BRPF1: variants seen among roughly 807,000 people sequenced by gnomAD.
BRPF1 encodes the protein peregrin.
BRPF1 carries 15 observed loss-of-function variants against 115.0 expected under a neutral mutation model. The observed-to-expected ratio is 0.13, with a 90% CI of 0.09 to 0.20. The LOEUF (loss-of-function observed/expected upper bound fraction) is 0.20. Among genes scored for constraint, BRPF1 ranks in the 10% least tolerant of loss-of-function variants. BRPF1 has a pLI of 1.00. For missense variants in BRPF1, 1,118 were observed against 1,638.3 expected, an observed-to-expected ratio of 0.68 and a Z score of 5.48; for synonymous variants, 647 against 619.8, an observed-to-expected ratio of 1.04 and a Z score of -0.65.
In BRPF1 at chr3:9,734,857, T is replaced by C. The variant is rs2076913825; in HGVS notation, c.599+118T>C. On this transcript the variant is annotated intron_variant, in intron 2 of 13. Transcript: ENST00000383829. The surrounding 1 kb of genome is among the most constrained non-coding windows in gnomAD (Gnocchi z 5.7). ...GGAATAAAGAATAGTGAAAGAACAC[T>C]GATTTTGCCAGGGCAGTGAGTGGAA... The C allele has an allele frequency of 7.4e-7, 1 of 1,342,706 alleles. No homozygotes were observed. Among genetic ancestry groups the C allele is most frequent in the Non-Finnish European group, 1.0e-6 (1 of 980,340 alleles). The allele number at this position is 1,342,706 out of a possible 1,614,324, so 83.2% of individuals were successfully genotyped here.
At chr3:9,732,924 A>T (rs2076879007) in intron 1 of BRPF1, among the ~76,000 whole-genome samples, 1 of 152,192 alleles carries the variant, frequency 6.6e-6, no homozygotes, top group African/African-American at 2.4e-5. Flanking sequence ...TCTCTGACCA[A>T]GCTGGGCTTC....
chr3:9,733,531 T>C (rs1024678094), intron 1 of BRPF1, among the ~76,000 whole-genome samples: 1 of 152,222 alleles, frequency 6.6e-6, no homozygotes, highest in Non-Finnish European at 1.5e-5. Context: ...AATGGAATGC[T>C]GTGGAAACAG....
Position 9,745,261 on chromosome 3 carries a change from A to C in BRPF1, c.3068+106A>C. 1 of 1,359,768 alleles carries C rather than the reference A, an allele frequency of 7.4e-7. No homozygotes were observed. Among genetic ancestry groups the C allele is most frequent in the South Asian group, 1.4e-5 (1 of 69,656 alleles). The allele number at this position is 1,359,768 out of a possible 1,614,324, so 84.2% of individuals were successfully genotyped here. ...AGTGGGGTGGCAGCCATCTCAGTCT[A>C]GATTAAGATGGCTCAAACTCAAGGT... On this transcript the variant is annotated intron_variant, in intron 10 of 13. Coordinates refer to ENST00000383829, the MANE Select transcript of BRPF1 (RefSeq NM_001003694.2). The surrounding 1 kb of genome is among the most constrained non-coding windows in gnomAD (Gnocchi z 5.1).
Position 9,740,759 on chromosome 3 carries a change from C to CTT in BRPF1, c.1560-18_1560-17dup. 1 of 1,612,160 alleles carries CTT rather than the reference C, an allele frequency of 6.2e-7. No individual in the cohort carries two copies. The highest frequency in any genetic ancestry group is 8.5e-7 in the Non-Finnish European group (1 of 1,178,294). On this transcript the variant is annotated intron_variant, in intron 3 of 13. Transcript: ENST00000383829. The stretch of plus-strand genomic sequence containing the variant: ...GAATCAGGGCCCAACAAGTTTTACT[C>CTT]TTTGTTTCCTGCCTCCCAGGCTTAG...
In BRPF1 at chr3:9,745,614, C is replaced by T; in HGVS notation, c.3110C>T (p.Ser1037Phe). Residue 1037 changes from serine to phenylalanine, a missense_variant, in exon 11 of 14, where the codon TCT (serine) becomes TTT (phenylalanine). Physicochemically the swap from Ser to Phe is radical, Grantham distance 155. Coordinates refer to ENST00000383829, the MANE Select transcript of BRPF1 (RefSeq NM_001003694.2). This position sits in a 1 kb window ranked among gnomAD's most constrained non-coding sequence, Gnocchi z 5.1. ...SKQGRGKPSF[S>F]RGTFPEDSSE... The stretch of plus-strand genomic sequence containing the variant: ...CAAGGCCGGGGCAAACCCTCCTTCT[C>T]TCGGGGCACTTTCCCAGAGGACAGC... The T allele has an allele frequency of 6.2e-7, 1 of 1,614,160 alleles. No homozygotes were observed. The highest frequency in any genetic ancestry group is 8.5e-7 in the Non-Finnish European group (1 of 1,179,976).
chr3:9,742,275 G>C (rs1035484705), intron 6 of BRPF1, 104 bp downstream of exon 6: 2 of 1,538,852 alleles, frequency 1.3e-6, no homozygotes, highest in African/African-American at 2.8e-5. Context: ...GAAGAGAGGG[G>C]CTGGTGGCTC....
chr3:9,736,173 A>T (rs959539674), intron 2 of BRPF1, among the ~76,000 whole-genome samples: 1 of 151,340 alleles, frequency 6.6e-6, no homozygotes, highest in East Asian at 1.9e-4. Context: ...ACACCCAGCT[A>T]ATTTTTGAGT....
chr3:9,746,925 T>A (rs992124475), intron 13 of BRPF1, among the ~76,000 whole-genome samples: 1 of 152,036 alleles, frequency 6.6e-6, no homozygotes, highest in Non-Finnish European at 1.5e-5. Context: ...TCTGGTGAGG[T>A]CAGGGTGCCT....
At position 9,747,358 on chromosome 3, in the gene BRPF1, A is replaced by G; in HGVS notation, c.*9A>G. ...CCAGCGATAGTGATTGATACTGCTC[A>G]ACACAGCCCAACCTATAGTGCCCTG... On this transcript the variant is annotated 3_prime_UTR_variant, in exon 14 of 14. Transcript: ENST00000383829. This position sits in a 1 kb window ranked among gnomAD's most constrained non-coding sequence, Gnocchi z 5.6. 1 of 1,611,698 alleles carries G rather than the reference A, an allele frequency of 6.2e-7. No individual in the cohort carries two copies. The highest frequency in any genetic ancestry group is 1.1e-5 in the South Asian group (1 of 91,034).
chr3:9,733,969 T>C (rs1279524984), intron 1 of BRPF1, among the ~76,000 whole-genome samples, 162 bp from the exon 2 acceptor site: 3 of 152,074 alleles, frequency 2.0e-5, no homozygotes, highest in Non-Finnish European at 4.4e-5. Context: ...GGCCCAGATA[T>C]GGGCTATGGT....
chr3:9,744,095 A>G (rs745902905), intron 8 of BRPF1, 129 bp from the exon 9 acceptor site: 1 of 1,329,840 alleles, frequency 7.5e-7, no homozygotes, highest in Non-Finnish European at 1.0e-6. Context: ...CCAAATTCCA[A>G]GCCCCTAAAA....
rs761503503 is a variant in BRPF1 at position 9,734,404 on chromosome 3, G to A, written c.264G>A (p.Glu88=). 12 of 1,614,018 alleles carry A rather than the reference G, an allele frequency of 7.4e-6. No individual in the cohort carries two copies. The highest frequency in any genetic ancestry group is 3.4e-6 in the Non-Finnish European group (4 of 1,180,036). The change falls in exon 2 of 14, where the codon GAG becomes GAA. Residue 88 remains glutamate (E), a synonymous_variant. Coordinates refer to ENST00000383829, the MANE Select transcript of BRPF1 (RefSeq NM_001003694.2). The surrounding 1 kb of genome is among the most constrained non-coding windows in gnomAD (Gnocchi z 5.7). ...AGGTCTCACAGTCACCAGGCCGTGA[G>A]GTGATGAGCTATGCACAGGCCCAGC... is the stretch of plus-strand genomic sequence containing the variant. ...PSEVSQSPGR[E]VMSYAQAQRM... is the part of the protein sequence containing the mutation.
At chr3:9,738,406 T>C (rs896546806) in intron 2 of BRPF1, among the ~76,000 whole-genome samples, 1 of 152,214 alleles carries the variant, frequency 6.6e-6, no homozygotes, top group South Asian at 2.1e-4. Flanking sequence ...TTAGCTATTA[T>C]AATTGTTATC....
Position 9,742,442 on chromosome 3 carries a change from G to A in BRPF1, c.2001+271G>A, listed in dbSNP as rs907339893. On this transcript the variant is annotated intron_variant, in intron 6 of 13. Coordinates refer to ENST00000383829, the MANE Select transcript of BRPF1 (RefSeq NM_001003694.2). ...AATCCCAGGGCAGGAAGACACTTTC[G>A]GGGTGCTGAACCCTAGAACGGAGAC... 30 of 985,410 alleles carry A rather than the reference G, an allele frequency of 3.0e-5. No homozygotes were observed. The Admixed American group carries it at 1.4e-3, about 46-fold the overall frequency. The allele number at this position is 985,410 out of a possible 1,614,324, so 61.0% of individuals were successfully genotyped here.
In BRPF1 at chr3:9,734,312, C is replaced by T; in HGVS notation, c.172C>T (p.Leu58Phe). ...DNPPPPQQTPLRKHKKKGRQS... is the reference protein window; with the variant it reads ...DNPPPPQQTPFRKHKKKGRQS... ...CCCACCACCCCCACAACAAACTCCA[C>T]TCCGCAAGCACAAGAAAAAGGGGCG... Residue 58 changes from leucine (L) to phenylalanine (F), a missense_variant, in exon 2 of 14, where the codon CTC (leucine) becomes TTC (phenylalanine). By Grantham distance (22) the Leu-to-Phe change is conservative (BLOSUM62 0). This residue lies in a region of BRPF1 where 280 missense variants were observed against 382.8 expected (regional missense o/e 0.73). Coordinates refer to ENST00000383829, the MANE Select transcript of BRPF1 (RefSeq NM_001003694.2). This position sits in a 1 kb window ranked among gnomAD's most constrained non-coding sequence, Gnocchi z 5.7. The T allele has an allele frequency of 6.2e-7, 1 of 1,614,142 alleles. No individual in the cohort carries two copies. Among genetic ancestry groups the T allele is most frequent in the Non-Finnish European group, 8.5e-7 (1 of 1,180,034 alleles).
intron 5 of BRPF1, 91 bp from the exon 6 acceptor site, chr3:9,741,934 C>A: frequency 1.4e-6 from 2 of 1,471,846 alleles, no homozygotes; most frequent in Non-Finnish European, 1.8e-6. Flanking sequence ...GGAAAGAAGG[C>A]GGGTTCCCAG....
chr3:9,733,631 T>G (rs2076892475), intron 1 of BRPF1, among the ~76,000 whole-genome samples: 1 of 152,048 alleles, frequency 6.6e-6, no homozygotes. Flanking sequence ...AATCAGAAAG[T>G]ATGGAGGGCA....
rs757297289 is a variant in BRPF1 at position 9,743,084 on chromosome 3, C to T, written c.2142C>T (p.Asn714=). The change falls in exon 7 of 14, where the codon AAC becomes AAT. Residue 714 remains asparagine, a synonymous_variant. Coordinates refer to ENST00000383829, the MANE Select transcript of BRPF1 (RefSeq NM_001003694.2). This position sits in a 1 kb window ranked among gnomAD's most constrained non-coding sequence, Gnocchi z 6.1. ...NLIVSNCLKY[N]AKDTIFYRAA... ...TCGTCAGCAACTGCCTCAAGTATAA[C>T]GCCAAGGACACCATCTTCTACCGGG... 9.3e-6 allele frequency: 15 copies of T among 1,614,216 alleles called. No homozygotes were observed. The highest frequency in any genetic ancestry group is 7.7e-5 in the South Asian group (7 of 91,086).
At chr3:9,746,522 T>C in intron 13 of BRPF1, 68 bp downstream of exon 13, 3 of 1,435,212 alleles carry the variant, frequency 2.1e-6, no homozygotes, top group Non-Finnish European at 1.8e-6. Context: ...GGGGGCAGAC[T>C]GCCAGGAAAC....
Sources: allele counts gnomAD v4.1 joint callset (sites outside exome capture counted in the v4.1 genomes callset), GRCh38; gene constraint gnomAD v4.1.1; regional missense constraint gnomAD v4.1.1; non-coding constraint Gnocchi (gnomAD v3.1); transcripts MANE v1.5; gene names NCBI Gene and HGNC (gene_info 2026-07-23, HGNC 2026-07-21).